EPHA2: variants seen among roughly 807,000 people sequenced by gnomAD.
The protein encoded by EPHA2 is ephrin type-A receptor 2.
EPHA2 carries 54 observed loss-of-function variants against 104.9 expected under a neutral mutation model. The ratio of observed to expected loss-of-function variants is 0.51; its 90% CI spans 0.41 to 0.65. The LOEUF is 0.65. Among genes scored for constraint, EPHA2 ranks in the 30% least tolerant of loss-of-function variants. The pLI is 0.00. For synonymous variants in EPHA2, 560 were observed against 559.1 expected (o/e 1.00, Z -0.02); for missense variants, 1,117 against 1,369.5 (o/e 0.82, Z 2.91).
In EPHA2 at chr1:16,137,934, T is replaced by C; in HGVS notation, c.1231A>G (p.Thr411Ala). The change falls in exon 5 of 17, where the codon ACC (threonine) becomes GCC (alanine). Residue 411 changes from threonine (T) to alanine (A), a missense_variant. Physicochemically the swap from Thr to Ala is moderately conservative, Grantham distance 58. Around this residue, in one of 3 missense-constraint regions of EPHA2, gnomAD observed 664 missense variants for 784.8 expected, o/e 0.85. Coordinates refer to ENST00000358432, the MANE Select transcript of EPHA2 (RefSeq NM_004431.5). ...DLEPHMNYTFTVEARNGVSGL... is the reference protein window; with the variant it reads ...DLEPHMNYTFAVEARNGVSGL... ...GAGACGCCATTGCGGGCCTCCACGG[T>C]GAAGGTGTAGTTCATGTGGGGCTCC... The C allele has an allele frequency of 1.9e-6, 3 of 1,614,104 alleles. No homozygotes were observed. In the South Asian group the frequency reaches 3.3e-5, roughly 18 times the overall value.
chr1:16,153,004 C>T lies in EPHA2; in HGVS notation c.86-2041G>A, dbSNP rs555961398. On this transcript the variant is annotated intron_variant, in intron 1 of 16. Coordinates refer to ENST00000358432, the MANE Select transcript of EPHA2 (RefSeq NM_004431.5). ...AGGTTCTTCCAGGGACAGAGGCTCC[C>T]GCTTCTCTGGAAAGGGTGGGAGCCT... 941 of 548,282 alleles carry T rather than the reference C, an allele frequency of 1.7e-3. 3 individuals carry two copies. The highest frequency in any genetic ancestry group is 4.4e-3 in the Admixed American group (69 of 15,714). The allele number at this position is 548,282 out of a possible 1,614,324, so 34.0% of individuals were successfully genotyped here. A position where few individuals can be genotyped will look rare whatever the true frequency, so the allele number is the denominator to read the frequency against.
chr1:16,152,209 C>T (rs551737042), intron 1 of EPHA2, among the ~76,000 whole-genome samples: 5 of 152,162 alleles, frequency 3.3e-5, no homozygotes, highest in Non-Finnish European at 7.3e-5. Flanking sequence ...AGGCCAGGAC[C>T]GGAGAAGGAC....
chr1:16,152,682 C>T (rs999754509), intron 1 of EPHA2, among the ~76,000 whole-genome samples: 3 of 152,170 alleles, frequency 2.0e-5, no homozygotes, highest in Non-Finnish European at 2.9e-5. Context: ...CTGCAGCCCC[C>T]CCTTAGATTG....
rs747723660 is a variant in EPHA2 at position 16,155,833 on chromosome 1, G to A, written c.85+15C>T. ...GGGCCCGGGGGCCAGGGGTCCAGAC[G>A]CCGCGCGCACTCACCTTCCTTGCCC... On this transcript the variant is annotated intron_variant, in intron 1 of 16. Transcript: ENST00000358432. 98 of 1,419,528 alleles carry A rather than the reference G, an allele frequency of 6.9e-5. No homozygotes were observed. The highest frequency in any genetic ancestry group is 8.8e-5 in the Non-Finnish European group (96 of 1,090,656). 87.9% of individuals were successfully genotyped at this position (1,419,528 alleles called of 1,614,324 possible). A position where few individuals can be genotyped will look rare whatever the true frequency, so the allele number is the denominator to read the frequency against.
rs369006981 is a variant in EPHA2 at position 16,134,521 on chromosome 1, G to A, written c.1629C>T (p.Val543=). Residue 543 remains valine, a synonymous_variant, in exon 8 of 17, where the codon GTC becomes GTT. Coordinates refer to ENST00000358432, the MANE Select transcript of EPHA2 (RefSeq NM_004431.5). The surrounding 1 kb of genome is among the most constrained non-coding windows in gnomAD (Gnocchi z 4.5). ...GNLAVIGGVA[V]GVVLLLVLAG... is the part of the protein sequence containing the mutation. ...CCAGCACCAGAAGCAGGACCACACC[G>A]ACAGCCACGCCGCCAATCACCGCCA... 2.5e-5 allele frequency: 41 copies of A among 1,613,972 alleles called. No individual in the cohort carries two copies. The highest frequency in any genetic ancestry group is 1.5e-4 in the Admixed American group (9 of 60,004).
In EPHA2 at chr1:16,135,843, G is replaced by A. The variant is rs2024675082; in HGVS notation, c.1313-73C>T. 2.7e-6 allele frequency: 2 copies of A among 752,554 alleles called. No individual in the cohort carries two copies. The highest frequency in any genetic ancestry group is 1.8e-5 in the Admixed American group (1 of 56,266). The allele number at this position is 752,554 out of a possible 1,614,324, so 46.6% of individuals were successfully genotyped here. On this transcript the variant is annotated intron_variant, in intron 5 of 16. Coordinates refer to ENST00000358432, the MANE Select transcript of EPHA2 (RefSeq NM_004431.5). The surrounding 1 kb of genome is among the most constrained non-coding windows in gnomAD (Gnocchi z 4.3). ...GCAGGCAGGGTTTGGGGGGACAAGTGGACGTGGAGCCACATCCTCCACAGC... is the reference window on the plus strand; with the variant it reads ...GCAGGCAGGGTTTGGGGGGACAAGTAGACGTGGAGCCACATCCTCCACAGC...
At position 16,133,204 on chromosome 1, in the gene EPHA2, G is replaced by A. The variant is rs765261745; in HGVS notation, c.2029C>T (p.Arg677Cys). ...MGQFSHHNIIRLEGVISKYKP... is the reference protein window; with the variant it reads ...MGQFSHHNIICLEGVISKYKP... The stretch of plus-strand genomic sequence containing the variant: ...CATTTGGAGATGACGCCCTCTAGGC[G>A]GATGATGTTGTGGTGGCTGAACTGG... Residue 677 changes from arginine (R) to cysteine (C), a missense_variant, in exon 11 of 17, where the codon CGC becomes TGC. Around this residue, in one of 3 missense-constraint regions of EPHA2, gnomAD observed 340 missense variants for 480.5 expected, o/e 0.71. Transcript: ENST00000358432. The A allele has an allele frequency of 1.9e-5, 31 of 1,613,550 alleles. No homozygotes were observed. The East Asian group carries it at 3.3e-4, about 17-fold the overall frequency.
chr1:16,129,363 G>C lies in EPHA2; in HGVS notation c.2825+71C>G, dbSNP rs572373213. 114 of 1,552,058 alleles carry C rather than the reference G, an allele frequency of 7.3e-5. No individual in the cohort carries two copies. In the East Asian group the frequency reaches 2.3e-3, roughly 31 times the overall value. On this transcript the variant is annotated intron_variant, in intron 16 of 16. Transcript: ENST00000358432. ...CATTGAGGGGCAGGGAAGAGGGCTG[G>C]GGGGGGCATGGAGGCAGCCTCTGGA...
intron 3 of EPHA2, among the ~76,000 whole-genome samples, chr1:16,144,225 G>A (rs563833379): frequency 2.0e-5 from 3 of 152,334 alleles, no homozygotes; most frequent in Non-Finnish European, 4.4e-5. Context: ...GCTGAGGGTG[G>A]GGCAGACAGG....
At chr1:16,153,496 C>G (rs757206751) in intron 1 of EPHA2, among the ~76,000 whole-genome samples, 12 of 152,224 alleles carry the variant, frequency 7.9e-5, no homozygotes, top group Non-Finnish European at 1.3e-4. Context: ...CCCCCTGCCA[C>G]CCGCCCAGGC....
In EPHA2 at chr1:16,130,003, T is replaced by G. The variant is rs1319336486; in HGVS notation, c.2669+223A>C. ...TAGGTTGTTTAAATGAATGAAAACA[T>G]ATTAAGTGCTCACGCAGTGCCCTGC... On this transcript the variant is annotated intron_variant, in intron 15 of 16. Transcript: ENST00000358432. The surrounding 1 kb of genome is among the most constrained non-coding windows in gnomAD (Gnocchi z 4.5). Among the ~76,000 whole-genome samples, 1 of 152,096 alleles carries G rather than the reference T, an allele frequency of 6.6e-6. No homozygotes were observed. The highest frequency in any genetic ancestry group is 1.5e-5 in the Non-Finnish European group (1 of 68,008).
At chr1:16,127,948 C>T (rs1419070850) in intron 16 of EPHA2, among the ~76,000 whole-genome samples, 8 of 152,186 alleles carry the variant, frequency 5.3e-5, no homozygotes, top group African/African-American at 1.7e-4. Context: ...AGCACTTCTC[C>T]GTGCCCTCAG....
rs753911203 is a variant in EPHA2 at position 16,148,495 on chromosome 1, C to A, written c.706G>T (p.Val236Leu). ...VAGTCVDHAV[V>L]PPGGEEPRMH... ...CGGGGCTCTTCACCCCCCGGTGGCA[C>A]CACGGCATGGTCCACACAGGTGCCG... is the stretch of plus-strand genomic sequence containing the variant. The change falls in exon 3 of 17, where the codon GTG becomes TTG. Residue 236 changes from valine to leucine, a missense_variant. Physicochemically the swap from Val to Leu is conservative, Grantham distance 32. Around this residue, in one of 3 missense-constraint regions of EPHA2, gnomAD observed 664 missense variants for 784.8 expected, o/e 0.85. Transcript: ENST00000358432. This position sits in a 1 kb window ranked among gnomAD's most constrained non-coding sequence, Gnocchi z 4.9. 2 of 1,613,840 alleles carry A rather than the reference C, an allele frequency of 1.2e-6. No homozygotes were observed. Among genetic ancestry groups the A allele is most frequent in the Non-Finnish European group, 1.7e-6 (2 of 1,180,030 alleles).
chr1:16,134,934 A>C lies in EPHA2; in HGVS notation c.1582+102T>G. ...GTCCCAGGCCGCCGGTGACCGAGAAAGGGGCATTTCTAAGTTATTTGATTC... is the reference window on the plus strand; with the variant it reads ...GTCCCAGGCCGCCGGTGACCGAGAACGGGGCATTTCTAAGTTATTTGATTC... On this transcript the variant is annotated intron_variant, in intron 7 of 16. Transcript: ENST00000358432. This position sits in a 1 kb window ranked among gnomAD's most constrained non-coding sequence, Gnocchi z 4.5. The C allele has an allele frequency of 6.4e-7, 1 of 1,555,066 alleles. No individual in the cohort carries two copies. Among genetic ancestry groups the C allele is most frequent in the Non-Finnish European group, 8.7e-7 (1 of 1,148,284 alleles).
chr1:16,153,417 A>T lies in EPHA2; in HGVS notation c.85+2431T>A, dbSNP rs112687224. ...GACAGAGGGCAGACTTGGCCCCGGTAGAACCAGAAACCAAGGACTTCCTGG... is the reference window on the plus strand; with the variant it reads ...GACAGAGGGCAGACTTGGCCCCGGTTGAACCAGAAACCAAGGACTTCCTGG... On this transcript the variant is annotated intron_variant, in intron 1 of 16. Transcript: ENST00000358432. 74 of 768,294 alleles carry T rather than the reference A, an allele frequency of 9.6e-5. No homozygotes were observed. The African/African-American group carries it at 1.2e-3, about 13-fold the overall frequency. 47.6% of individuals were successfully genotyped at this position (768,294 alleles called of 1,614,324 possible). A position where few individuals can be genotyped will look rare whatever the true frequency, so the allele number is the denominator to read the frequency against.
intron 3 of EPHA2, among the ~76,000 whole-genome samples, chr1:16,147,085 A>G (rs1174474474): frequency 6.6e-6 from 1 of 152,242 alleles, no homozygotes; most frequent in Non-Finnish European, 1.5e-5. Flanking sequence ...CATTTCCAGA[A>G]AAAGTCACCC....
In EPHA2 at chr1:16,129,488, T is replaced by G. The variant is rs1186094042; in HGVS notation, c.2771A>C (p.His924Pro). 3 of 1,613,674 alleles carry G rather than the reference T, an allele frequency of 1.9e-6. No individual in the cohort carries two copies. Among genetic ancestry groups the G allele is most frequent in the Non-Finnish European group, 2.5e-6 (3 of 1,179,986 alleles). Residue 924 changes from histidine (H) to proline (P), a missense_variant, in exon 16 of 17, where the codon CAC becomes CCC. Physicochemically the swap from His to Pro is moderately conservative, Grantham distance 77. Around this residue, in one of 3 missense-constraint regions of EPHA2, gnomAD observed 340 missense variants for 480.5 expected, o/e 0.71. Coordinates refer to ENST00000358432, the MANE Select transcript of EPHA2 (RefSeq NM_004431.5). ...ESIKMQQYTE[H>P]FMAAGYTAIE... ...GGCAGTGTAGCCGGCCGCCATGAAGTGCTCCGTATACTGCTGCATCTTGAT... is the reference window on the plus strand; with the variant it reads ...GGCAGTGTAGCCGGCCGCCATGAAGGGCTCCGTATACTGCTGCATCTTGAT...
intron 3 of EPHA2, among the ~76,000 whole-genome samples, chr1:16,140,890 C>T (rs187125288): frequency 7.2e-5 from 11 of 152,058 alleles, no homozygotes; most frequent in Admixed American, 2.6e-4. Context: ...CGTGAGCCAC[C>T]GCGTCCGGCC....
intron 3 of EPHA2, among the ~76,000 whole-genome samples, chr1:16,142,217 A>G (rs998073986): frequency 5.3e-5 from 8 of 152,216 alleles, no homozygotes; most frequent in African/African-American, 1.9e-4. Flanking sequence ...TAGGGCATCT[A>G]TTAATCTTAT....
Sources: allele counts gnomAD v4.1 joint callset (sites outside exome capture counted in the v4.1 genomes callset), GRCh38; gene constraint gnomAD v4.1.1; regional missense constraint gnomAD v4.1.1; non-coding constraint Gnocchi (gnomAD v3.1); transcripts MANE v1.5; gene names NCBI Gene and HGNC (gene_info 2026-07-23, HGNC 2026-07-21).